AGBL4: variants seen among roughly 807,000 people sequenced by gnomAD.
AGBL4 encodes the protein AGBL carboxypeptidase 4, also known as cytosolic carboxypeptidase 6.
A neutral mutation model predicts 66.4 loss-of-function variants in AGBL4; 58 were observed. The observed-to-expected ratio is 0.87, with a 90% CI of 0.71 to 1.09. The LOEUF is 1.09. AGBL4 is among the 50% of genes least tolerant of loss of function. The probability of loss-of-function intolerance (pLI) is 0.00; values close to 1 mark genes in which losing one functional copy is unlikely to be tolerated. For synonymous variants in AGBL4, 234 were observed against 222.9 expected, an observed-to-expected ratio of 1.05 and a Z score of -0.44; for missense variants, 579 against 631.0, an observed-to-expected ratio of 0.92 and a Z score of 0.88.
rs71059557 is a variant in AGBL4, at chr1:49,622,628, CAAAAAAAAAAAAAA to C, written c.282+74671_282+74684del. 1.7e-4 allele frequency among the ~76,000 whole-genome samples: 11 copies of C among 65,486 alleles called. No individual in the cohort carries two copies. In the East Asian group the frequency reaches 2.6e-3, roughly 16 times the overall value. 43.0% of individuals were successfully genotyped at this position (65,486 alleles called of 152,430 possible). ...TGGGCGACAGAGCGAGACTCCGTCT[CAAAAAAAAAAAAAA>C]AAAAAAAAAAAAGAAAAATGGGAAT... On this transcript the variant is annotated intron_variant, in intron 3 of 13. Transcript: ENST00000371839.
chr1:49,121,130 C>T (rs1009700364), intron 4 of AGBL4, among the ~76,000 whole-genome samples: 3 of 152,148 alleles, frequency 2.0e-5, no homozygotes, highest in African/African-American at 7.2e-5. Context: ...AGGTTTTTAG[C>T]TTCCTTGTGA....
intron 4 of AGBL4, among the ~76,000 whole-genome samples, chr1:49,232,846 C>G (rs1650431886): frequency 6.6e-6 from 1 of 151,638 alleles, no homozygotes; most frequent in South Asian, 2.1e-4. Context: ...CAAAAGAACA[C>G]ACAAAAAGAA....
chr1:49,793,735 T>C (rs1240849940), intron 2 of AGBL4, among the ~76,000 whole-genome samples: 2 of 151,800 alleles, frequency 1.3e-5, no homozygotes, highest in Non-Finnish European at 2.9e-5. Flanking sequence ...GAGGTCTAGG[T>C]AAGAAATTTA....
intron 4 of AGBL4, chr1:49,187,168 A>T (rs1244624697): frequency 1.3e-5 from 2 of 152,142 alleles, no homozygotes; most frequent in African/African-American, 4.8e-5. Context: ...GCTTTATTAG[A>T]ATATTCTTGT....
At chr1:49,641,502 T>G (rs1355072718) in intron 3 of AGBL4, among the ~76,000 whole-genome samples, 2 of 152,104 alleles carry the variant, frequency 1.3e-5, no homozygotes, top group Non-Finnish European at 2.9e-5. Context: ...TTCCCATAGA[T>G]GAATTTTAAA....
chr1:49,790,375 A>AC (rs1460030118), intron 2 of AGBL4, among the ~76,000 whole-genome samples: 1 of 151,714 alleles, frequency 6.6e-6, no homozygotes, highest in African/African-American at 2.4e-5. Context: ...AAAAAAAAAA[A>AC]AAAAAAAGAA....
At chr1:49,679,585 C>T (rs1646648777) in intron 3 of AGBL4, among the ~76,000 whole-genome samples, 1 of 151,970 alleles carries the variant, frequency 6.6e-6, no homozygotes, top group Non-Finnish European at 1.5e-5. Context: ...TATGTTAGGG[C>T]TTGATTCTAT....
At chr1:49,649,909 T>C (rs912595252) in intron 3 of AGBL4, among the ~76,000 whole-genome samples, 1 of 151,734 alleles carries the variant, frequency 6.6e-6, no homozygotes, top group African/African-American at 2.4e-5. Context: ...GTAAAAAATA[T>C]CAAGAGAATA....
intron 1 of AGBL4, among the ~76,000 whole-genome samples, chr1:49,906,988 TAA>T (rs1326286740): frequency 6.6e-6 from 1 of 152,150 alleles, no homozygotes; most frequent in Non-Finnish European, 1.5e-5. Flanking sequence ...TAAGTCAATA[TAA>T]GTTTCTAATC....
chr1:49,982,574 A>G (rs991600670), intron 1 of AGBL4, among the ~76,000 whole-genome samples: 13 of 152,336 alleles, frequency 8.5e-5, no homozygotes, highest in East Asian at 3.9e-4. Flanking sequence ...TGGGTCCCCA[A>G]TGAAGCCCCA....
intron 3 of AGBL4, among the ~76,000 whole-genome samples, chr1:49,674,754 AGT>A (rs1219954217): frequency 6.6e-6 from 1 of 152,058 alleles, no homozygotes; most frequent in African/African-American, 2.4e-5. Flanking sequence ...GTAGAATTAC[AGT>A]CTTTGAGAGA....
At chr1:48,673,472 A>G (rs900600288) in intron 6 of AGBL4, among the ~76,000 whole-genome samples, 1 of 152,240 alleles carries the variant, frequency 6.6e-6, no homozygotes. Flanking sequence ...GTATAAAAAT[A>G]CCACTTTCAA....
At chr1:49,443,864 T>C (rs986448304) in intron 3 of AGBL4, among the ~76,000 whole-genome samples, 2 of 151,632 alleles carry the variant, frequency 1.3e-5, no homozygotes, top group Admixed American at 6.6e-5. Flanking sequence ...AGACTGCTGA[T>C]TTGTGATCTT....
chr1:48,815,140 T>C (rs1265333698), intron 6 of AGBL4, among the ~76,000 whole-genome samples: 1 of 152,208 alleles, frequency 6.6e-6, no homozygotes, highest in African/African-American at 2.4e-5. Context: ...GGAATTTCCT[T>C]AATGATTAAT....
chr1:49,842,828 C>G (rs1646032686), intron 2 of AGBL4, among the ~76,000 whole-genome samples: 1 of 152,148 alleles, frequency 6.6e-6, no homozygotes, highest in East Asian at 1.9e-4. Context: ...TGAGAGAATA[C>G]TAGCATTTCA....
intron 2 of AGBL4, among the ~76,000 whole-genome samples, chr1:49,728,274 A>G (rs1649177068): frequency 6.6e-6 from 1 of 152,230 alleles, no homozygotes; most frequent in African/African-American, 2.4e-5. Context: ...TTAAAGGTAC[A>G]GAAAGATAAT....
At chr1:49,524,402 C>T (rs564682001) in intron 3 of AGBL4, among the ~76,000 whole-genome samples, 7 of 152,206 alleles carry the variant, frequency 4.6e-5, no homozygotes, top group African/African-American at 1.4e-4. Context: ...CAGTCAAAGT[C>T]TGTGGTCTTA....
intron 3 of AGBL4, among the ~76,000 whole-genome samples, chr1:49,331,969 G>C (rs950565109): frequency 6.6e-6 from 1 of 152,204 alleles, no homozygotes; most frequent in Non-Finnish European, 1.5e-5. Context: ...CTGTTTGGGC[G>C]ACTCAGCCAT....
intron 4 of AGBL4, among the ~76,000 whole-genome samples, chr1:49,121,731 C>T (rs995017041): frequency 1.3e-5 from 2 of 152,234 alleles, no homozygotes; most frequent in Non-Finnish European, 2.9e-5. Context: ...AGAACCACTG[C>T]TCTCTTCAGA....
Sources: allele counts gnomAD v4.1 joint callset (sites outside exome capture counted in the v4.1 genomes callset), GRCh38; gene constraint gnomAD v4.1.1; transcripts MANE v1.5; gene names NCBI Gene and HGNC (gene_info 2026-07-23, HGNC 2026-07-21).